Variants in LARGE1 observed in about 807,000 individuals in gnomAD.
LARGE1 encodes xylosyl- and glucuronyltransferase LARGE1.
LARGE1 carries 43 observed loss-of-function variants against 87.6 expected under a neutral mutation model. That is an observed-to-expected ratio of 0.49 (90% CI 0.38 to 0.63). The LOEUF (loss-of-function observed/expected upper bound fraction) is 0.63. Among genes scored for constraint, LARGE1 ranks in the 30% least tolerant of loss-of-function variants. The pLI, the probability that LARGE1 is intolerant of heterozygous loss-of-function variation, is 0.00. For missense variants in LARGE1, 802 were observed against 1,000.2 expected (o/e 0.80, Z 2.67); for synonymous variants, 434 against 394.6 (o/e 1.10, Z -1.18).
chr22:33,301,840 G>C (rs1934187472), intron 12 of LARGE1, among the ~76,000 whole-genome samples: 1 of 152,174 alleles, frequency 6.6e-6, no homozygotes, highest in African/African-American at 2.4e-5. Flanking sequence ...GTAGGGTCTG[G>C]ATTAGCAGTG....
chr22:33,917,639 G>C (rs1029464571), intron 1 of LARGE1, among the ~76,000 whole-genome samples: 8 of 152,260 alleles, frequency 5.3e-5, no homozygotes, highest in African/African-American at 1.9e-4. Flanking sequence ...AGTTAGGATG[G>C]TCTAATATTC....
At chr22:33,484,021 C>A (rs1336322266) in intron 6 of LARGE1, among the ~76,000 whole-genome samples, 3 of 152,140 alleles carry the variant, frequency 2.0e-5, no homozygotes, top group Admixed American at 2.0e-4. Flanking sequence ...CAGTGAAAAG[C>A]CGCGACACGG....
Position 33,628,933 on chromosome 22 carries a change from C to T in LARGE1, c.409-2607G>A, listed in dbSNP as rs571320191. ...GCTCAGCATCCCACAATGCACAAGACAGCCCCAAAACAAAGACCTGTCCTG... is the reference window on the plus strand; with the variant it reads ...GCTCAGCATCCCACAATGCACAAGATAGCCCCAAAACAAAGACCTGTCCTG... On this transcript the variant is annotated intron_variant, in intron 3 of 14. Transcript: ENST00000397394. Among the ~76,000 whole-genome samples the T allele has an allele frequency of 2.6e-5, 4 of 152,278 alleles. No individual in the cohort carries two copies. In the South Asian group the frequency reaches 8.3e-4, roughly 32 times the overall value.
intron 6 of LARGE1, among the ~76,000 whole-genome samples, chr22:33,557,105 T>TA (rs2077713888): frequency 6.6e-6 from 1 of 152,150 alleles, no homozygotes; most frequent in Admixed American, 6.5e-5. Context: ...ATCACCAAAA[T>TA]AAACCCTATG....
intron 11 of LARGE1, among the ~76,000 whole-genome samples, chr22:33,310,384 G>A (rs1005398929): frequency 2.0e-5 from 3 of 152,248 alleles, no homozygotes; most frequent in Admixed American, 1.3e-4. Flanking sequence ...GAAGATAGGT[G>A]AACCCCTCGT....
At chr22:33,342,156 T>A (rs561708293) in intron 9 of LARGE1, among the ~76,000 whole-genome samples, 1 of 152,180 alleles carries the variant, frequency 6.6e-6, no homozygotes, top group Non-Finnish European at 1.5e-5. Flanking sequence ...TAATTGCATG[T>A]GGGCTGGTGT....
intron 1 of LARGE1, among the ~76,000 whole-genome samples, chr22:33,798,229 G>A (rs2086047212): frequency 6.6e-6 from 1 of 152,190 alleles, no homozygotes; most frequent in Non-Finnish European, 1.5e-5. Flanking sequence ...GGCAGAGGGT[G>A]CAGTGAGCCG....
Position 33,690,349 on chromosome 22 carries a change from GACTA to G in LARGE1, c.107-39685_107-39682del, listed in dbSNP as rs1188126729. 4.6e-5 allele frequency among the ~76,000 whole-genome samples: 7 copies of G among 152,282 alleles called. No homozygotes were observed. The Middle Eastern group carries it at 0.01, about 222-fold the overall frequency. ...CCCCCATCTCATGGGCTGTCCTCAG[GACTA>G]ACTAAGTATACCCATGAAGCACCAG... On this transcript the variant is annotated intron_variant, in intron 2 of 14. Transcript: ENST00000397394.
rs1017429249 is a variant in LARGE1 at position 33,220,440 on chromosome 22, T to C, written c.1731-53608A>G. ...ACTAAAGACAGAGGGAAATGGAGAG[T>C]CAGCATACGAGGGGGAAAGAGCAGA... On this transcript the variant is annotated intron_variant, in intron 11 of 11. Transcript: ENST00000608642. 1.3e-5 allele frequency among the ~76,000 whole-genome samples: 2 copies of C among 150,598 alleles called. 1 individual carries two copies. Among genetic ancestry groups the C allele is most frequent in the Non-Finnish European group, 3.0e-5 (2 of 67,526 alleles).
At chr22:33,586,508 T>G (rs1254119975) in intron 5 of LARGE1, among the ~76,000 whole-genome samples, 1 of 150,108 alleles carries the variant, frequency 6.7e-6, no homozygotes, top group African/African-American at 2.5e-5. Context: ...CAGGCTGGAG[T>G]GCAGTGGCAC....
At chr22:33,147,466 C>T in the LARGE1 span, among the ~76,000 whole-genome samples, 640 of 152,042 alleles carry the variant, frequency 4.2e-3, 3 homozygotes, top group Middle Eastern at 0.017. Context: ...AGTATAATTA[C>T]GTTTTAGTTT....
the LARGE1 span, among the ~76,000 whole-genome samples, chr22:33,085,483 T>C: frequency 2.6e-5 from 4 of 152,208 alleles, no homozygotes; most frequent in African/African-American, 4.8e-5. Context: ...TTCAAAATCA[T>C]GTCTGTCCAC....
At chr22:33,849,311 G>A (rs1368849670) in intron 1 of LARGE1, among the ~76,000 whole-genome samples, 3 of 152,096 alleles carry the variant, frequency 2.0e-5, no homozygotes, top group South Asian at 2.1e-4. Flanking sequence ...AGCTAATGTC[G>A]TTTTTTCATC....
chr22:33,883,646 C>G (rs140490220), intron 1 of LARGE1, among the ~76,000 whole-genome samples: 25 of 152,382 alleles, frequency 1.6e-4, no homozygotes, highest in African/African-American at 5.8e-4. Flanking sequence ...TCCAGGCACA[C>G]GACCCCTCTG....
chr22:33,738,652 G>C (rs1391012751), intron 2 of LARGE1, among the ~76,000 whole-genome samples: 1 of 152,080 alleles, frequency 6.6e-6, no homozygotes, highest in African/African-American at 2.4e-5. Context: ...GAGGTCAGGA[G>C]ATGGAGACCA....
At chr22:33,468,321 T>C (rs2068698627) in intron 6 of LARGE1, among the ~76,000 whole-genome samples, 1 of 152,128 alleles carries the variant, frequency 6.6e-6, no homozygotes, top group African/African-American at 2.4e-5. Flanking sequence ...AAAAAACCCA[T>C]TGATCTGGGT....
chr22:33,158,662 T>C (rs1921936525), downstream of LARGE1, among the ~76,000 whole-genome samples: 2 of 152,308 alleles, frequency 1.3e-5, no homozygotes, highest in South Asian at 4.1e-4. Context: ...TGTTAACTGA[T>C]AAAGAATTGA....
chr22:33,297,979 C>CAAAAAAAAA (rs757656914), intron 12 of LARGE1, among the ~76,000 whole-genome samples: 1 of 48,796 alleles, frequency 2.0e-5, no homozygotes, highest in Non-Finnish European at 4.6e-5. Flanking sequence ...GACATCATCT[C>CAAAAAAAAA]AAAAAAAAAA....
At chr22:33,633,126 T>C (rs966455867) in intron 3 of LARGE1, among the ~76,000 whole-genome samples, 2 of 152,202 alleles carry the variant, frequency 1.3e-5, no homozygotes, top group African/African-American at 4.8e-5. Context: ...AGGACTGTTC[T>C]GGGCTTGGAG....
Sources: gnomAD v4.1 joint callset for allele counts (sites outside exome capture counted in the v4.1 genomes callset) on GRCh38, gnomAD v4.1.1 for gene constraint, MANE v1.5 for transcripts, NCBI Gene and HGNC (gene_info 2026-07-23, HGNC 2026-07-21) for gene names.